ITGAX: variants seen among roughly 807,000 people sequenced by gnomAD.
The protein encoded by ITGAX is integrin alpha-X.
A neutral mutation model predicts 140.2 loss-of-function variants in ITGAX; 99 were observed. The ratio of observed to expected loss-of-function variants is 0.71; its 90% CI spans 0.60 to 0.83. The LOEUF (loss-of-function observed/expected upper bound fraction) is 0.83. Ranked by LOEUF, ITGAX falls within the 40% of genes least tolerant of loss-of-function variation. The pLI, the probability that ITGAX is intolerant of heterozygous loss-of-function variation, is 0.00. For missense variants in ITGAX, 1,444 were observed against 1,482.0 expected, an observed-to-expected ratio of 0.97 and a Z score of 0.42; for synonymous variants, 631 against 600.4, an observed-to-expected ratio of 1.05 and a Z score of -0.75.
chr16:31,372,219 G>A (rs2080973856), intron 17 of ITGAX, among the ~76,000 whole-genome samples, 159 bp from the exon 18 acceptor site: 2 of 152,110 alleles, frequency 1.3e-5, no homozygotes, highest in South Asian at 4.1e-4. Flanking sequence ...CAGAGAGGGT[G>A]TCAGGGAGGC....
At chr16:31,375,674 G>A (rs1256249878) in intron 20 of ITGAX, among the ~76,000 whole-genome samples, 2 of 152,158 alleles carry the variant, frequency 1.3e-5, no homozygotes, top group South Asian at 2.1e-4. Context: ...CTATTTGAAC[G>A]AAAATTCGAA....
At position 31,360,040 on chromosome 16, in the gene ITGAX, A is replaced by G; in HGVS notation, c.682A>G (p.Thr228Ala). 6.2e-7 allele frequency: 1 copy of G among 1,611,982 alleles called. No individual in the cohort carries two copies. The highest frequency in any genetic ancestry group is 8.5e-7 in the Non-Finnish European group (1 of 1,179,974). The part of the protein sequence containing the change: ...SVHQLQGFTY[T>A]ATAIQNVVHR... ...TCACCAGCTGCAAGGGTTTACATAC[A>G]CGGCCACCGCCATCCAAAATGTCGT... Residue 228 changes from threonine (T) to alanine (A), a missense_variant, in exon 7 of 30, where the codon ACG becomes GCG. By Grantham distance (58) the Thr-to-Ala change is moderately conservative. Coordinates refer to ENST00000268296, the MANE Select transcript of ITGAX (RefSeq NM_000887.5).
intron 9 of ITGAX, 32 bp downstream of exon 9, chr16:31,361,245 ATCC>A: frequency 6.3e-7 from 1 of 1,587,022 alleles, no homozygotes; most frequent in African/African-American, 1.4e-5. Context: ...CGCTTGGGGA[ATCC>A]TCAGCCGTTA....
At chr16:31,372,167 G>GC (rs990501651) in intron 17 of ITGAX, among the ~76,000 whole-genome samples, 7 of 138,836 alleles carry the variant, frequency 5.0e-5, no homozygotes, top group African/African-American at 1.6e-4. Context: ...GGGAGGTCTG[G>GC]GGGGGGGGAG....
chr16:31,379,336 C>T lies in ITGAX; in HGVS notation c.2790-232C>T, dbSNP rs532979824. Among the ~76,000 whole-genome samples the T allele has an allele frequency of 4.6e-5, 7 of 151,870 alleles. No individual in the cohort carries two copies. In the South Asian group the frequency reaches 1.3e-3, roughly 27 times the overall value. ...TTCACCATGTTGGCCAGGGTGATCT[C>T]GAACTCCTGATCTCAGGTGATCCGC... On this transcript the variant is annotated intron_variant, in intron 23 of 29. Transcript: ENST00000268296.
At chr16:31,361,937 G>GTGCC in intron 10 of ITGAX, 28 bp downstream of exon 10, 1 of 1,613,596 alleles carries the variant, frequency 6.2e-7, no homozygotes, top group Non-Finnish European at 8.5e-7. Context: ...GGCCGATGAT[G>GTGCC]TGCCGTGAGG....
At chr16:31,379,144 A>ATTT (rs1368998382) in intron 23 of ITGAX, among the ~76,000 whole-genome samples, 3 of 147,054 alleles carry the variant, frequency 2.0e-5, no homozygotes, top group African/African-American at 7.6e-5. Context: ...TTTTTTTTTG[A>ATTT]GAGAGAGAGA....
In ITGAX at chr16:31,363,292, C is replaced by T. The variant is rs1226128946; in HGVS notation, c.1628C>T (p.Ala543Val). The T allele has an allele frequency of 6.2e-7, 1 of 1,613,944 alleles. No homozygotes were observed. The highest frequency in any genetic ancestry group is 8.5e-7 in the Non-Finnish European group (1 of 1,179,930). The change falls in exon 14 of 30, where the codon GCC (alanine) becomes GTC (valine). Residue 543 changes from alanine to valine, a missense_variant. Transcript: ENST00000268296. ...AAGCTGACAGACGTGGTCATCGGGG[C>T]CCCAGGAGAGGAGGAGAACCGGGGT... is the stretch of plus-strand genomic sequence containing the variant. The part of the protein sequence containing the change: ...GDKLTDVVIG[A>V]PGEEENRGAV...
intron 14 of ITGAX, among the ~76,000 whole-genome samples, chr16:31,368,896 A>C (rs960112337): frequency 6.6e-6 from 1 of 152,106 alleles, no homozygotes; most frequent in African/African-American, 2.4e-5. Context: ...TGGACACAGC[A>C]CATGTTTCAG....
chr16:31,374,597 A>G (rs1018594779), intron 20 of ITGAX, among the ~76,000 whole-genome samples: 1 of 151,912 alleles, frequency 6.6e-6, no homozygotes, highest in Non-Finnish European at 1.5e-5. Context: ...ACACCACCAC[A>G]CCTGGCTAAT....
intron 23 of ITGAX, 152 bp from the exon 24 acceptor site, chr16:31,379,416 C>T (rs530414445): frequency 5.5e-6 from 4 of 725,230 alleles, no homozygotes; most frequent in South Asian, 3.6e-5. Context: ...CGCGCCTGGC[C>T]TCTAAACTCT....
intron 5 of ITGAX, among the ~76,000 whole-genome samples, chr16:31,359,257 C>T (rs2080794236): frequency 1.3e-5 from 2 of 152,194 alleles, no homozygotes; most frequent in Admixed American, 1.3e-4. Context: ...CAACCTCCAC[C>T]TCCCAGGTTC....
chr16:31,360,333 A>G lies in ITGAX; in HGVS notation c.731A>G (p.Tyr244Cys), dbSNP rs774065463. 5.6e-6 allele frequency: 9 copies of G among 1,613,380 alleles called. No individual in the cohort carries two copies. Among genetic ancestry groups the G allele is most frequent in the Admixed American group, 5.0e-5 (3 of 59,896 alleles). ...AGGCACCGATTGTTCCATGCCTCAT[A>G]TGGGGCCCGTAGGGATGCCGCCAAA... ...NVVHRLFHAS[Y>C]GARRDAAKIL... Residue 244 changes from tyrosine to cysteine, a missense_variant, in exon 8 of 30, where the codon TAT (tyrosine) becomes TGT (cysteine). Transcript: ENST00000268296.
At chr16:31,378,809 ACT>A (rs1461060882) in intron 23 of ITGAX, among the ~76,000 whole-genome samples, 24 of 119,216 alleles carry the variant, frequency 2.0e-4, no homozygotes, top group Non-Finnish European at 2.8e-4. Flanking sequence ...GCTTTTCTAG[ACT>A]CTCTCTCTTT....
chr16:31,382,723 G>T lies in ITGAX; in HGVS notation c.*816G>T. 1.8e-6 allele frequency: 1 copy of T among 549,102 alleles called. No homozygotes were observed. Among genetic ancestry groups the T allele is most frequent in the Non-Finnish European group, 3.3e-6 (1 of 306,460 alleles). The allele number at this position is 549,102 out of a possible 1,614,324, so 34.0% of individuals were successfully genotyped here. A position where few individuals can be genotyped will look rare whatever the true frequency, so the allele number is the denominator to read the frequency against. On this transcript the variant is annotated 3_prime_UTR_variant, in exon 30 of 30. Coordinates refer to ENST00000268296, the MANE Select transcript of ITGAX (RefSeq NM_000887.5). ...CTGCACAGCTGGCCTCCCGCGTTGG[G>T]CAACATTGCTGGCTGGAAGGGAGGA...
At position 31,359,810 on chromosome 16, in the gene ITGAX, T is replaced by C; in HGVS notation, c.541T>C (p.Phe181Leu). 1 of 1,614,146 alleles carries C rather than the reference T, an allele frequency of 6.2e-7. No homozygotes were observed. The highest frequency in any genetic ancestry group is 8.5e-7 in the Non-Finnish European group (1 of 1,180,024). ...MNFVRAVISQ[F>L]QRPSTQFSLM... is the part of the protein sequence containing the mutation. ...CTTCGTGAGAGCTGTGATAAGCCAG[T>C]TCCAGAGACCCAGCACCCAGGTGTG... The change falls in exon 6 of 30, where the codon TTC (phenylalanine) becomes CTC (leucine). Residue 181 changes from phenylalanine to leucine, a missense_variant. Coordinates refer to ENST00000268296, the MANE Select transcript of ITGAX (RefSeq NM_000887.5).
Position 31,356,844 on chromosome 16 carries a change from C to T in ITGAX, c.247+116C>T, listed in dbSNP as rs529993130. 8.7e-5 allele frequency: 75 copies of T among 865,578 alleles called. 1 individual carries two copies. The East Asian group carries it at 1.3e-3, about 15-fold the overall frequency. 53.6% of individuals were successfully genotyped at this position (865,578 alleles called of 1,614,324 possible). A position where few individuals can be genotyped will look rare whatever the true frequency, so the allele number is the denominator to read the frequency against. On this transcript the variant is annotated intron_variant, in intron 3 of 29. Coordinates refer to ENST00000268296, the MANE Select transcript of ITGAX (RefSeq NM_000887.5). ...CTTCCACTGTGTCTGAGACCCTCAC[C>T]CTCAGATATGCTTCCTGGCCCCTTA...
chr16:31,361,613 G>T (rs2080826660), intron 9 of ITGAX: 5 of 720,668 alleles, frequency 6.9e-6, no homozygotes, highest in Admixed American at 4.6e-5. Flanking sequence ...CCTGTGGGGG[G>T]CCCTGATGAG....
chr16:31,382,215 C>CTTTCT lies in ITGAX; in HGVS notation c.*311_*315dup. 8.5e-7 allele frequency: 1 copy of CTTTCT among 1,170,862 alleles called. No homozygotes were observed. The highest frequency in any genetic ancestry group is 1.1e-6 in the Non-Finnish European group (1 of 882,930). 72.5% of individuals were successfully genotyped at this position (1,170,862 alleles called of 1,614,324 possible). ...CCTTCTCCCATGAGGCACGAATGAT[C>CTTTCT]TTTCTTTCCTTTCTTTTTTTTTTTT... On this transcript the variant is annotated 3_prime_UTR_variant, in exon 30 of 30. Coordinates refer to ENST00000268296, the MANE Select transcript of ITGAX (RefSeq NM_000887.5).
Sources: gnomAD v4.1 joint callset for allele counts (sites outside exome capture counted in the v4.1 genomes callset) on GRCh38, gnomAD v4.1.1 for gene constraint, MANE v1.5 for transcripts, NCBI Gene and HGNC (gene_info 2026-07-23, HGNC 2026-07-21) for gene names.